Variants in RANBP2 observed in about 807,000 individuals in gnomAD.
RANBP2 encodes RAN binding protein 2, also known as E3 SUMO-protein ligase RanBP2.
A neutral mutation model predicts 303.6 loss-of-function variants in RANBP2; 57 were observed. That is an observed-to-expected ratio of 0.19 (90% confidence interval 0.15 to 0.23). The LOEUF is 0.23. Among genes scored for constraint, RANBP2 ranks in the 10% least tolerant of loss-of-function variants. The pLI is 1.00. For missense variants in RANBP2, 3,138 were observed against 3,780.8 expected (o/e 0.83, Z 4.46); for synonymous variants, 1,167 against 1,301.5 (o/e 0.90, Z 2.23).
the RANBP2 span, among the ~76,000 whole-genome samples, chr2:108,914,755 C>T: frequency 6.6e-6 from 1 of 152,252 alleles, no homozygotes; most frequent in Non-Finnish European, 1.5e-5. Flanking sequence ...TGCACTTGGT[C>T]TACAGAAAAG....
the RANBP2 span, among the ~76,000 whole-genome samples, chr2:109,336,607 C>A: frequency 5.9e-5 from 9 of 152,184 alleles, no homozygotes; most frequent in African/African-American, 2.2e-4. Context: ...CACGTTGAGG[C>A]AAATGCTCTT....
At chr2:109,558,638 G>C in the RANBP2 span, among the ~76,000 whole-genome samples, 3 of 152,112 alleles carry the variant, frequency 2.0e-5, no homozygotes, top group South Asian at 2.1e-4. Context: ...CCTGCGATTG[G>C]TGCTGGTAGA....
At chr2:108,727,447 A>G (rs191176961) in intron 1 of RANBP2, among the ~76,000 whole-genome samples, 4,195 of 151,862 alleles carry the variant, frequency 0.028, 198 homozygotes, top group African/African-American at 0.095. Flanking sequence ...TGGGTGGAGG[A>G]CACAAACAGG....
the RANBP2 span, among the ~76,000 whole-genome samples, chr2:109,041,685 CTTTTTTTT>C: frequency 1.2e-4 from 10 of 82,056 alleles, no homozygotes; most frequent in East Asian, 7.0e-4. Context: ...CCATGCCCGG[CTTTTTTTT>C]TTTTTTTTTT....
At chr2:109,130,776 T>G in the RANBP2 span, among the ~76,000 whole-genome samples, 1 of 152,174 alleles carries the variant, frequency 6.6e-6, no homozygotes, top group Non-Finnish European at 1.5e-5. Flanking sequence ...TTTATTATTA[T>G]TATTTTTGGT....
chr2:108,736,906 T>A lies in RANBP2; in HGVS notation c.782+657T>A, dbSNP rs552305807. Among the ~76,000 whole-genome samples, 3 of 152,150 alleles carry A rather than the reference T, an allele frequency of 2.0e-5. No individual in the cohort carries two copies. The East Asian group carries it at 5.8e-4, about 29-fold the overall frequency. On this transcript the variant is annotated intron_variant, in intron 6 of 28. Coordinates refer to ENST00000283195, the MANE Select transcript of RANBP2 (RefSeq NM_006267.5). ...TATTGGAATGCAGCATGCCTCTGTTTATGTATTGTCTGTGGCTGCTTACAT... is the reference window on the plus strand; with the variant it reads ...TATTGGAATGCAGCATGCCTCTGTTAATGTATTGTCTGTGGCTGCTTACAT...
chr2:109,760,901 G>C, the RANBP2 span, among the ~76,000 whole-genome samples: 1 of 134,358 alleles, frequency 7.4e-6, no homozygotes, highest in African/African-American at 2.8e-5. Context: ...GGTCGGGGGC[G>C]CCTGCCTCGC....
In RANBP2 at chr2:108,770,096, A is replaced by T. The variant is rs185998502; in HGVS notation, c.7850-1605A>T. ...CTTGCGTACAGTTTCTGTGAGCTCT[A>T]GGTTAGGAATCCCTGACCTAAGAAT... On this transcript the variant is annotated intron_variant, in intron 20 of 28. Transcript: ENST00000283195. 3.3e-5 allele frequency among the ~76,000 whole-genome samples: 5 copies of T among 152,336 alleles called. No individual in the cohort carries two copies. The East Asian group carries it at 7.7e-4, about 23-fold the overall frequency.
the RANBP2 span, among the ~76,000 whole-genome samples, chr2:109,197,004 C>T: frequency 5.3e-5 from 8 of 152,210 alleles, no homozygotes; most frequent in African/African-American, 1.7e-4. Flanking sequence ...TCCCTTAGCC[C>T]TCACCATAGC....
chr2:109,463,735 G>A, the RANBP2 span, among the ~76,000 whole-genome samples: 9 of 152,280 alleles, frequency 5.9e-5, no homozygotes, highest in African/African-American at 1.7e-4. Flanking sequence ...GGAGAGACCT[G>A]GCTGCAAATG....
chr2:108,870,765 G>T, the RANBP2 span, among the ~76,000 whole-genome samples: 1 of 152,212 alleles, frequency 6.6e-6, no homozygotes, highest in South Asian at 2.1e-4. Context: ...TATATGAGGT[G>T]CCTGGAGTAG....
the RANBP2 span, among the ~76,000 whole-genome samples, chr2:109,115,045 A>G: frequency 6.6e-6 from 1 of 152,140 alleles, no homozygotes; most frequent in Non-Finnish European, 1.5e-5. Context: ...GGAGAGCTTT[A>G]CTTCCAAGTA....
At chr2:108,837,480 A>C in the RANBP2 span, among the ~76,000 whole-genome samples, 2 of 152,214 alleles carry the variant, frequency 1.3e-5, no homozygotes, top group African/African-American at 4.8e-5. Flanking sequence ...TGGTGGTCCC[A>C]TAATATTATA....
At chr2:109,597,206 G>A in the RANBP2 span, among the ~76,000 whole-genome samples, 1 of 152,200 alleles carries the variant, frequency 6.6e-6, no homozygotes, top group Non-Finnish European at 1.5e-5. Flanking sequence ...CTCCCAAAGT[G>A]ATAGGATTAT....
chr2:109,034,270 C>CAAA, the RANBP2 span, among the ~76,000 whole-genome samples: 473 of 38,076 alleles, frequency 0.012, 94 homozygotes, highest in African/African-American at 0.018. Flanking sequence ...GACTCCATCT[C>CAAA]AAAAAAAAAA....
the RANBP2 span, among the ~76,000 whole-genome samples, chr2:109,655,058 A>G: frequency 6.6e-6 from 1 of 151,880 alleles, no homozygotes; most frequent in East Asian, 1.9e-4. Flanking sequence ...GCCCACCACC[A>G]TGCCCGGCTA....
intron 1 of RANBP2, among the ~76,000 whole-genome samples, chr2:108,721,174 G>A (rs1694216194): frequency 6.6e-6 from 1 of 152,186 alleles, no homozygotes; most frequent in Non-Finnish European, 1.5e-5. Context: ...GCAGCCCTGT[G>A]GATATTGAGA....
chr2:109,258,405 C>T, the RANBP2 span, among the ~76,000 whole-genome samples: 3 of 152,190 alleles, frequency 2.0e-5, no homozygotes, highest in African/African-American at 7.2e-5. Context: ...GGGGTCTCTA[C>T]AGCTCAGAGC....
At chr2:109,517,368 G>T in the RANBP2 span, among the ~76,000 whole-genome samples, 2 of 152,162 alleles carry the variant, frequency 1.3e-5, no homozygotes, top group African/African-American at 4.8e-5. Context: ...AGGTTCATTG[G>T]TCATTCATGT....
Sources: gnomAD v4.1 joint callset for allele counts (sites outside exome capture counted in the v4.1 genomes callset) on GRCh38, gnomAD v4.1.1 for gene constraint, MANE v1.5 for transcripts, NCBI Gene and HGNC (gene_info 2026-07-23, HGNC 2026-07-21) for gene names.